Variants in UBN2 observed in about 807,000 individuals in gnomAD.
UBN2 encodes ubinuclein-2.
In UBN2, 35 loss-of-function variants were observed where a neutral mutation model predicts 120.2. The ratio of observed to expected loss-of-function variants is 0.29; its 90% CI spans 0.22 to 0.39. UBN2 has a LOEUF of 0.39. Ranked by LOEUF, UBN2 falls within the 10% of genes least tolerant of loss-of-function variation. The pLI is 1.00. For missense variants in UBN2, 1,693 were observed against 1,663.2 expected (o/e 1.02, Z -0.31); for synonymous variants, 661 against 648.7 (o/e 1.02, Z -0.29).
the UBN2 span, among the ~76,000 whole-genome samples, chr7:139,322,617 CT>C: frequency 9.6e-4 from 99 of 102,796 alleles, no homozygotes; most frequent in South Asian, 2.8e-3. Context: ...ACCATCTGGA[CT>C]TTTTTTTTTT....
intron 3 of UBN2, among the ~76,000 whole-genome samples, chr7:139,257,253 T>C (rs1323153692): frequency 6.6e-6 from 1 of 152,246 alleles, no homozygotes; most frequent in Non-Finnish European, 1.5e-5. Context: ...ATAAGTGTGA[T>C]TTAAACAAAT....
chr7:139,264,696 C>T (rs539869945), intron 6 of UBN2, among the ~76,000 whole-genome samples: 41 of 152,318 alleles, frequency 2.7e-4, no homozygotes, highest in Middle Eastern at 3.4e-3. Context: ...TCAAGCAATT[C>T]TCCTGCCTCA....
At chr7:139,316,017 C>G in the UBN2 span, among the ~76,000 whole-genome samples, 1 of 129,962 alleles carries the variant, frequency 7.7e-6, no homozygotes, top group African/African-American at 2.9e-5. Context: ...GCAGAGGTTG[C>G]AGTGAGCTGA....
intron 1 of UBN2, among the ~76,000 whole-genome samples, chr7:139,233,924 A>G (rs1796096649): frequency 6.6e-6 from 1 of 152,036 alleles, no homozygotes; most frequent in South Asian, 2.1e-4. Flanking sequence ...TATTGGCCCA[A>G]TTATCTCGTA....
intron 2 of UBN2, among the ~76,000 whole-genome samples, chr7:139,242,392 A>G (rs1796344671): frequency 6.6e-6 from 1 of 152,302 alleles, no homozygotes; most frequent in East Asian, 1.9e-4. Context: ...TCTGGTCCCT[A>G]AGGATCATCT....
intron 15 of UBN2, among the ~76,000 whole-genome samples, chr7:139,284,984 C>A (rs1029859887): frequency 6.6e-6 from 1 of 152,128 alleles, no homozygotes; most frequent in Non-Finnish European, 1.5e-5. Context: ...TCTTCCCTTC[C>A]CTTTTTCTCC....
chr7:139,297,285 G>C (rs371651382), intron 17 of UBN2, among the ~76,000 whole-genome samples: 2 of 151,952 alleles, frequency 1.3e-5, no homozygotes, highest in Admixed American at 6.6e-5. Flanking sequence ...CACTCAGCTG[G>C]ATGTTTTTCA....
chr7:139,261,419 C>T lies in UBN2; in HGVS notation c.1073C>T (p.Pro358Leu), dbSNP rs751105626. Residue 358 changes from proline to leucine, a missense_variant, in exon 6 of 18, where the codon CCC (proline) becomes CTC (leucine). Physicochemically the swap from Pro to Leu is moderately conservative, Grantham distance 98 (BLOSUM62 -3). Coordinates refer to ENST00000473989, the MANE Select transcript of UBN2 (RefSeq NM_173569.4). ...TTGTCAACCCCTTCTCTGAATAAACCCCCATGTGCTGCTGCAGCACTGGGG... is the reference window on the plus strand; with the variant it reads ...TTGTCAACCCCTTCTCTGAATAAACTCCCATGTGCTGCTGCAGCACTGGGG... ...VTLSTPSLNK[P>L]PCAAAALGND... 1.4e-5 allele frequency: 22 copies of T among 1,614,186 alleles called. No homozygotes were observed. In the South Asian group the frequency reaches 2.3e-4, roughly 17 times the overall value.
At chr7:139,280,065 T>G (rs1158001646) in intron 13 of UBN2, among the ~76,000 whole-genome samples, 1 of 152,194 alleles carries the variant, frequency 6.6e-6, no homozygotes, top group Non-Finnish European at 1.5e-5. Flanking sequence ...ACTGGATTAG[T>G]AGTGACCCGG....
intron 15 of UBN2, among the ~76,000 whole-genome samples, chr7:139,290,373 G>A (rs1053737413): frequency 6.6e-6 from 1 of 152,154 alleles, no homozygotes; most frequent in Admixed American, 6.5e-5. Context: ...GAAAAGACAG[G>A]CAAATAAGAA....
chr7:139,318,196 C>T, the UBN2 span, among the ~76,000 whole-genome samples: 698 of 152,250 alleles, frequency 4.6e-3, 5 homozygotes, highest in African/African-American at 0.016. Context: ...CATTAACCTC[C>T]GAGCTTGTTT....
chr7:139,254,712 G>A (rs1796711174), intron 3 of UBN2, among the ~76,000 whole-genome samples: 1 of 152,180 alleles, frequency 6.6e-6, no homozygotes, highest in Non-Finnish European at 1.5e-5. Flanking sequence ...AACCCAAGAA[G>A]TAACTTAGCC....
chr7:139,269,635 T>A (rs1797202463), intron 8 of UBN2, 112 bp downstream of exon 8: 2 of 1,180,526 alleles, frequency 1.7e-6, no homozygotes, highest in Middle Eastern at 2.3e-4. Context: ...TTGTATGTAT[T>A]TAATAACCAT....
intron 6 of UBN2, among the ~76,000 whole-genome samples, chr7:139,263,602 C>T (rs1797003071): frequency 6.6e-6 from 1 of 151,834 alleles, no homozygotes; most frequent in South Asian, 2.1e-4. Flanking sequence ...GGTGAAACCC[C>T]ATCTCTACTA....
intron 12 of UBN2, chr7:139,276,692 A>C (rs1425387739): frequency 6.5e-6 from 1 of 153,930 alleles, no homozygotes; most frequent in East Asian, 1.9e-4. Context: ...TTTTGGTTGA[A>C]TATTGGTCAA....
intron 2 of UBN2, among the ~76,000 whole-genome samples, chr7:139,248,966 G>T (rs1156934436): frequency 6.6e-6 from 1 of 151,796 alleles, no homozygotes; most frequent in Non-Finnish European, 1.5e-5. Context: ...AAGCACATGG[G>T]TATGTTGTAT....
intron 1 of UBN2, among the ~76,000 whole-genome samples, chr7:139,235,983 T>C (rs1486919434): frequency 6.6e-6 from 1 of 152,220 alleles, no homozygotes; most frequent in Non-Finnish European, 1.5e-5. Context: ...TCAGGGTCCA[T>C]TGAATCTGTA....
At chr7:139,248,308 A>C (rs1438309232) in intron 2 of UBN2, among the ~76,000 whole-genome samples, 5 of 152,156 alleles carry the variant, frequency 3.3e-5, no homozygotes. Context: ...GCAGAAGAAG[A>C]AAATGTAAGA....
intron 17 of UBN2, among the ~76,000 whole-genome samples, chr7:139,295,632 T>A (rs1039895917): frequency 6.6e-6 from 1 of 152,216 alleles, no homozygotes; most frequent in Admixed American, 6.5e-5. Flanking sequence ...AAGTTTAAAA[T>A]TTTTCAACCA....
Sources: allele counts gnomAD v4.1 joint callset (sites outside exome capture counted in the v4.1 genomes callset), GRCh38; gene constraint gnomAD v4.1.1; transcripts MANE v1.5; gene names NCBI Gene and HGNC (gene_info 2026-07-23, HGNC 2026-07-21).